Variants in SLC25A48 observed in about 807,000 individuals in gnomAD.
The protein encoded by SLC25A48 is CTC-321K16.1.
Under a neutral mutation model 32.2 loss-of-function variants are expected in SLC25A48, and 29 were observed. The observed-to-expected ratio is 0.90, with a 90% confidence interval of 0.67 to 1.23. The LOEUF is 1.23. Ranked by LOEUF, SLC25A48 falls within the 50% of genes most tolerant of loss-of-function variation. The probability of loss-of-function intolerance (pLI) is 0.00; values close to 1 mark genes in which losing one functional copy is unlikely to be tolerated. For synonymous variants in SLC25A48, 164 were observed against 172.3 expected (o/e 0.95, Z 0.38); for missense variants, 399 against 422.7 (o/e 0.94, Z 0.49).
At chr5:135,844,143 AG>A (rs1212811709) in intron 2 of SLC25A48, among the ~76,000 whole-genome samples, 2 of 152,126 alleles carry the variant, frequency 1.3e-5, no homozygotes, top group Non-Finnish European at 2.9e-5. Context: ...TACCGTGCCC[AG>A]GCCTGGCTTC....
intron 3 of SLC25A48, among the ~76,000 whole-genome samples, chr5:135,679,674 T>A (rs1753848045): frequency 1.3e-5 from 2 of 152,182 alleles, no homozygotes. Flanking sequence ...GCTTCAGCTC[T>A]GGCCCAGGGC....
At chr5:135,618,774 C>T (rs1485169715) in intron 1 of SLC25A48, among the ~76,000 whole-genome samples, 1 of 151,956 alleles carries the variant, frequency 6.6e-6, no homozygotes, top group Non-Finnish European at 1.5e-5. Context: ...GTATAGTATA[C>T]TTGAGTTGTA....
chr5:135,797,415 G>T (rs934553953), intron 3 of SLC25A48, among the ~76,000 whole-genome samples: 1 of 151,892 alleles, frequency 6.6e-6, no homozygotes, highest in African/African-American at 2.4e-5. Flanking sequence ...ATTTCAGGGG[G>T]TGTACACCCT....
At chr5:135,879,611 AGTGTGTGTGT>A (rs775091968) in intron 6 of SLC25A48, among the ~76,000 whole-genome samples, 2 of 119,416 alleles carry the variant, frequency 1.7e-5, no homozygotes, top group East Asian at 2.3e-4. Context: ...AGAGAGAGAG[AGTGTGTGTGT>A]GTGTGTGTGT....
intron 6 of SLC25A48, 77 bp downstream of exon 6, chr5:135,874,231 A>G (rs901663240): frequency 4.4e-6 from 6 of 1,372,786 alleles, no homozygotes; most frequent in East Asian, 5.7e-5. Context: ...ATGTGGGACT[A>G]TAGAGAAGGG....
chr5:135,887,452 A>ATGTGTG lies in SLC25A48; in HGVS notation c.*8-566_*8-561dup, dbSNP rs372688192. ...CTGCCCTACAGGGGAAAAAATACAT[A>ATGTGTG]TGTGTGTGTGTGTGTGTGTACATAT... On this transcript the variant is annotated intron_variant, in intron 7 of 7. Transcript: ENST00000681962. Among the ~76,000 whole-genome samples, 709 of 149,742 alleles carry ATGTGTG rather than the reference A, an allele frequency of 4.7e-3. 3 individuals carry two copies. Among genetic ancestry groups the ATGTGTG allele is most frequent in the African/African-American group, 0.017 (678 of 40,850 alleles).
Position 135,579,418 on chromosome 5 carries a change from C to T in SLC25A48, c.-1028C>T, listed in dbSNP as rs537778899. The stretch of plus-strand genomic sequence containing the variant: ...GCCGGCGGGAGACCCAGGCCCAGGG[C>T]TCAGATCCTCAAAGACCTGAAAGGG... On this transcript the variant is annotated 5_prime_UTR_variant, in exon 1 of 11. Transcript: ENST00000646290. 2.6e-5 allele frequency: 4 copies of T among 153,516 alleles called. No homozygotes were observed. The East Asian group carries it at 5.8e-4, about 22-fold the overall frequency. 9.5% of individuals were successfully genotyped at this position (153,516 alleles called of 1,614,324 possible). A position where few individuals can be genotyped will look rare whatever the true frequency, so the allele number is the denominator to read the frequency against.
intron 3 of SLC25A48, among the ~76,000 whole-genome samples, chr5:135,710,488 C>A (rs1021924811): frequency 6.6e-6 from 1 of 152,216 alleles, no homozygotes; most frequent in African/African-American, 2.4e-5. Context: ...TGTCATGAAA[C>A]AAGTGTGGGT....
chr5:135,861,192 C>A (rs1477719986), intron 4 of SLC25A48, among the ~76,000 whole-genome samples: 1 of 152,086 alleles, frequency 6.6e-6, no homozygotes, highest in South Asian at 2.1e-4. Flanking sequence ...ATTTCATGTC[C>A]TGTTTTTAAC....
At chr5:135,869,028 G>A (rs1761440193) in intron 4 of SLC25A48, among the ~76,000 whole-genome samples, 1 of 152,080 alleles carries the variant, frequency 6.6e-6, no homozygotes, top group Non-Finnish European at 1.5e-5. Context: ...GAAGAGAGTG[G>A]GAGAGAGAAC....
At chr5:135,704,963 T>G (rs1754473362) in intron 3 of SLC25A48, among the ~76,000 whole-genome samples, 1 of 152,200 alleles carries the variant, frequency 6.6e-6, no homozygotes, top group South Asian at 2.1e-4. Context: ...AGAGGACTGC[T>G]GAGGATAGCC....
At chr5:135,827,085 C>G (rs1758079140) in intron 4 of SLC25A48, 1 of 152,276 alleles carries the variant, frequency 6.6e-6, no homozygotes, top group Non-Finnish European at 1.5e-5. Context: ...GTGGCTGAAT[C>G]ACACTGGGAT....
At chr5:135,769,451 A>G (rs994070520) in intron 3 of SLC25A48, among the ~76,000 whole-genome samples, 2 of 151,780 alleles carry the variant, frequency 1.3e-5, no homozygotes, top group Non-Finnish European at 2.9e-5. Flanking sequence ...CCAGGAGTGT[A>G]CACCCCACTG....
chr5:135,629,063 C>T lies in SLC25A48; in HGVS notation c.-848-174C>T, dbSNP rs958612781. On this transcript the variant is annotated intron_variant, in intron 1 of 10. Coordinates refer to the SLC25A48 transcript ENST00000646290. The surrounding 1 kb of genome is among the most constrained non-coding windows in gnomAD (Gnocchi z 4.8). Reference sequence around the variant, plus strand: ...TTCATAAATTCCCCAGCAGTTAGAACAGCCATTAAACTGTGACTTTTTAAG... The same window carrying T: ...TTCATAAATTCCCCAGCAGTTAGAATAGCCATTAAACTGTGACTTTTTAAG... Among the ~76,000 whole-genome samples the T allele has an allele frequency of 7.2e-5, 11 of 152,158 alleles. No homozygotes were observed. The highest frequency in any genetic ancestry group is 2.0e-4 in the Admixed American group (3 of 15,282).
At chr5:135,579,212 T>G in exon 1 of SLC25A48, 1 of 250,170 alleles carries the variant, frequency 4.0e-6, no homozygotes, top group Admixed American at 5.9e-5. Flanking sequence ...ACACATCCGC[T>G]ACCCTCTCGC....
chr5:135,734,263 A>T (rs533565805), intron 3 of SLC25A48, among the ~76,000 whole-genome samples: 143 of 152,136 alleles, frequency 9.4e-4, no homozygotes, highest in Non-Finnish European at 1.8e-3. Context: ...TTGGGTTGGG[A>T]AGAAGGGTGG....
intron 3 of SLC25A48, among the ~76,000 whole-genome samples, chr5:135,777,240 CTG>C (rs1404905774): frequency 6.6e-6 from 1 of 151,786 alleles, no homozygotes; most frequent in Non-Finnish European, 1.5e-5. Context: ...TACTTTCCTC[CTG>C]TCATATTGTT....
Position 135,845,781 on chromosome 5 carries a change from C to G in SLC25A48, c.90+3322C>G, listed in dbSNP as rs1310718572. ...TGCAGGGAGGCAGACAGTCACTTGT[C>G]TAGGGTCCGGGGACTCACCTGTGGA... On this transcript the variant is annotated intron_variant, in intron 2 of 7. Coordinates refer to ENST00000681962, the MANE Select transcript of SLC25A48 (RefSeq NM_001349336.2). Among the ~76,000 whole-genome samples the G allele has an allele frequency of 2.0e-5, 3 of 152,204 alleles. No homozygotes were observed. In the East Asian group the frequency reaches 5.8e-4, roughly 29 times the overall value.
chr5:135,687,259 C>T (rs900307956), intron 3 of SLC25A48, among the ~76,000 whole-genome samples: 3 of 152,108 alleles, frequency 2.0e-5, no homozygotes, highest in Non-Finnish European at 2.9e-5. Flanking sequence ...AGCACTTTAC[C>T]ACCTATATAT....
Sources: gnomAD v4.1 joint callset for allele counts (sites outside exome capture counted in the v4.1 genomes callset) on GRCh38, gnomAD v4.1.1 for gene constraint, Gnocchi (gnomAD v3.1) non-coding constraint, MANE v1.5 for transcripts, NCBI Gene and HGNC (gene_info 2026-07-23, HGNC 2026-07-21) for gene names.